Variants in KDM4B observed in about 807,000 individuals in gnomAD.
KDM4B encodes the protein lysine demethylase 4B.
Under a neutral mutation model 125.2 loss-of-function variants are expected in KDM4B, and 32 were observed. The ratio of observed to expected loss-of-function variants is 0.26; its 90% CI spans 0.19 to 0.34. KDM4B has a LOEUF of 0.34. Ranked by LOEUF, KDM4B falls within the 10% of genes least tolerant of loss-of-function variation. The probability of loss-of-function intolerance (pLI) is 1.00; values close to 1 mark genes in which losing one functional copy is unlikely to be tolerated. For synonymous variants in KDM4B, 721 were observed against 677.9 expected (o/e 1.06, Z -0.99); for missense variants, 1,190 against 1,577.7 (o/e 0.75, Z 4.16).
chr19:5,104,166 C>T (rs1205624767), intron 9 of KDM4B, among the ~76,000 whole-genome samples: 1 of 152,178 alleles, frequency 6.6e-6, no homozygotes, highest in East Asian at 1.9e-4. Flanking sequence ...GGAGCTCGCT[C>T]CAGCTGGTGC....
rs759633805 is a variant in KDM4B at position 5,133,890 on chromosome 19, C to T, written c.1914C>T (p.Ser638=). Reference sequence around the variant, plus strand: ...TCCCCTCTGTTCTTCTAGAGGCATCCCCTTTCTCCGGGGAGGAAGATGTGA... The same window carrying T: ...TCCCCTCTGTTCTTCTAGAGGCATCTCCTTTCTCCGGGGAGGAAGATGTGA... The part of the protein sequence containing the change: ...KQEASSDEEA[S]PFSGEEDVSD... The change falls in exon 14 of 23, where the codon TCC becomes TCT. Residue 638 remains serine, a synonymous_variant. Coordinates refer to ENST00000159111, the MANE Select transcript of KDM4B (RefSeq NM_015015.3). 1.9e-6 allele frequency: 3 copies of T among 1,612,904 alleles called. No individual in the cohort carries two copies. The highest frequency in any genetic ancestry group is 2.2e-5 in the South Asian group (2 of 91,056).
intron 14 of KDM4B, 96 bp from the exon 15 acceptor site, chr19:5,135,243 C>A: frequency 1.3e-6 from 1 of 792,930 alleles, no homozygotes; most frequent in Non-Finnish European, 2.1e-6. Context: ...CAGGGGGTGT[C>A]GAAGCCTGGG....
chr19:4,996,361 A>G (rs1385550029), intron 1 of KDM4B, among the ~76,000 whole-genome samples: 1 of 151,914 alleles, frequency 6.6e-6, no homozygotes, highest in African/African-American at 2.4e-5. Context: ...GGTTGCTCAG[A>G]GTGTGTGTGC....
At chr19:5,149,666 G>A (rs906403457) in intron 21 of KDM4B, among the ~76,000 whole-genome samples, 3 of 152,180 alleles carry the variant, frequency 2.0e-5, no homozygotes, top group African/African-American at 7.2e-5. Flanking sequence ...GTGTTGTGTT[G>A]CCAGAGGGCC....
intron 11 of KDM4B, among the ~76,000 whole-genome samples, chr19:5,120,299 A>G (rs1032251879): frequency 2.6e-5 from 4 of 152,242 alleles, no homozygotes; most frequent in African/African-American, 9.6e-5. Context: ...AACCTGGGCA[A>G]CAGAGCAAGA....
rs143215073 is a variant in KDM4B at position 5,051,143 on chromosome 19, C to T, written c.626+3474C>T. Among the ~76,000 whole-genome samples, 184 of 152,276 alleles carry T rather than the reference C, an allele frequency of 1.2e-3. 1 individual carries two copies. The Middle Eastern group carries it at 0.031, about 25-fold the overall frequency. ...GCCAGCAGCATCACATGCCACATGC[C>T]CCTAGAAGAGAGTTCCAGGCCGGGG... On this transcript the variant is annotated intron_variant, in intron 6 of 22. Transcript: ENST00000159111.
chr19:5,098,202 G>C (rs1205876235), intron 9 of KDM4B, among the ~76,000 whole-genome samples: 2 of 152,230 alleles, frequency 1.3e-5, no homozygotes, highest in Admixed American at 1.3e-4. Flanking sequence ...ACAGCAGGGG[G>C]GACTCGGCCT....
chr19:5,005,014 A>G (rs1282233218), intron 1 of KDM4B, among the ~76,000 whole-genome samples: 1 of 152,212 alleles, frequency 6.6e-6, no homozygotes, highest in Non-Finnish European at 1.5e-5. Context: ...TTCTAGAGGT[A>G]CCTGTGTAGC....
rs2038327362 is a variant in KDM4B, at chr19:5,082,399, A to G, written c.813A>G (p.Thr271=). The G allele has an allele frequency of 2.5e-6, 4 of 1,613,526 alleles. No individual in the cohort carries two copies. The highest frequency in any genetic ancestry group is 1.7e-5 in the Admixed American group (1 of 59,998). Residue 271 remains threonine (T), a synonymous_variant, in exon 9 of 23, where the codon ACA becomes ACG. Transcript: ENST00000159111. The surrounding 1 kb of genome is among the most constrained non-coding windows in gnomAD (Gnocchi z 5.4). ...ITQEAGEFMI[T]FPYGYHAGFN... is the part of the protein sequence containing the mutation. ...AGGAGGCCGGGGAATTCATGATCAC[A>G]TTTCCCTACGGCTACCACGCCGGCT...
At chr19:5,023,521 C>T (rs1402812892) in intron 2 of KDM4B, among the ~76,000 whole-genome samples, 1 of 152,144 alleles carries the variant, frequency 6.6e-6, no homozygotes, top group Non-Finnish European at 1.5e-5. Context: ...GTCCTCGGTC[C>T]CTGCTGGGAA....
chr19:4,995,530 T>G (rs1198792841), intron 1 of KDM4B, among the ~76,000 whole-genome samples: 1 of 152,068 alleles, frequency 6.6e-6, no homozygotes, highest in African/African-American at 2.4e-5. Context: ...CTGCCTACCT[T>G]GGCCTCCCAA....
intron 6 of KDM4B, among the ~76,000 whole-genome samples, chr19:5,059,161 C>T (rs2037503067): frequency 6.6e-6 from 1 of 152,244 alleles, no homozygotes; most frequent in Non-Finnish European, 1.5e-5. Context: ...ATTTCTCTCC[C>T]TTCGGCGAGG....
At chr19:5,066,993 A>T (rs976225865) in intron 6 of KDM4B, among the ~76,000 whole-genome samples, 5 of 152,104 alleles carry the variant, frequency 3.3e-5, no homozygotes, top group African/African-American at 1.2e-4. Flanking sequence ...GTGAGTCCTC[A>T]GACCTCCTAA....
chr19:5,117,892 G>T (rs901361583), intron 10 of KDM4B, among the ~76,000 whole-genome samples: 1 of 152,224 alleles, frequency 6.6e-6, no homozygotes, highest in South Asian at 2.1e-4. Flanking sequence ...AGACATCGGG[G>T]AGCACTGATT....
chr19:5,106,221 G>A (rs1190648357), intron 9 of KDM4B, among the ~76,000 whole-genome samples: 1 of 152,188 alleles, frequency 6.6e-6, no homozygotes, highest in Non-Finnish European at 1.5e-5. Flanking sequence ...GTCTGTCCAC[G>A]ATGGTTGAAC....
chr19:5,072,386 C>T (rs1158090755), intron 7 of KDM4B, among the ~76,000 whole-genome samples: 3 of 152,116 alleles, frequency 2.0e-5, no homozygotes, highest in African/African-American at 7.2e-5. Flanking sequence ...GGCATGTGCT[C>T]TCCTGGCTTC....
At chr19:5,094,009 C>T (rs1053571910) in intron 9 of KDM4B, among the ~76,000 whole-genome samples, 2 of 152,174 alleles carry the variant, frequency 1.3e-5, no homozygotes, top group Non-Finnish European at 2.9e-5. Flanking sequence ...GGGTGTGTGG[C>T]GGGCCGAGCC....
At chr19:5,050,482 C>T (rs781509715) in intron 6 of KDM4B, among the ~76,000 whole-genome samples, 20 of 152,338 alleles carry the variant, frequency 1.3e-4, no homozygotes, top group Admixed American at 3.3e-4. Context: ...GGGGAGGGTC[C>T]GAGCTTTCCA....
chr19:5,130,248 T>C (rs2039518617), intron 11 of KDM4B, among the ~76,000 whole-genome samples: 1 of 152,104 alleles, frequency 6.6e-6, no homozygotes, highest in South Asian at 2.1e-4. Context: ...GTCCCCCATG[T>C]CCCTCTGTCA....
Sources: gnomAD v4.1 joint callset for allele counts (sites outside exome capture counted in the v4.1 genomes callset) on GRCh38, gnomAD v4.1.1 for gene constraint, Gnocchi (gnomAD v3.1) non-coding constraint, MANE v1.5 for transcripts, NCBI Gene and HGNC (gene_info 2026-07-23, HGNC 2026-07-21) for gene names.